The following PUDP variants were observed in gnomAD, a reference collection of about 807,000 sequenced individuals.
PUDP encodes the protein pseudouridine-5'-phosphatase.
A neutral mutation model predicts 9.4 loss-of-function variants in PUDP; 8 were observed. That is an observed-to-expected ratio of 0.85 (90% CI 0.50 to 1.53). The LOEUF is 1.53. Among genes scored for constraint, PUDP ranks in the 40% most tolerant of loss-of-function variants. The pLI is 0.00. For missense variants in PUDP, 188 were observed against 189.7 expected, an observed-to-expected ratio of 0.99 and a Z score of 0.05; for synonymous variants, 99 against 80.7, an observed-to-expected ratio of 1.23 and a Z score of -1.22.
At chrX:7,081,346 G>T (rs1323504600) in intron 2 of PUDP, among the ~76,000 whole-genome samples, 1 of 111,318 alleles carries the variant, frequency 9.0e-6, no homozygotes, top group African/African-American at 3.3e-5. Context: ...TAGAGACAGG[G>T]TCTCCCTATG....
chrX:7,105,423 GC>G (rs1471909866), intron 2 of PUDP, among the ~76,000 whole-genome samples, 196 bp downstream of exon 2: 9 of 111,450 alleles, frequency 8.1e-5, no homozygotes, highest in African/African-American at 2.3e-4. Flanking sequence ...ATTTTAAGAA[GC>G]TTTTAAAGAG....
intron 3 of PUDP, among the ~76,000 whole-genome samples, chrX:6,899,733 G>A (rs1927647049): frequency 9.1e-6 from 1 of 110,430 alleles, no homozygotes; most frequent in Non-Finnish European, 1.9e-5. Flanking sequence ...AACCATGTAC[G>A]ATAATTTTGG....
intron 3 of PUDP, among the ~76,000 whole-genome samples, chrX:6,732,471 A>T (rs757131620): frequency 9.0e-6 from 1 of 111,148 alleles, no homozygotes; most frequent in East Asian, 2.8e-4. Context: ...CTTTTGAACA[A>T]AGTAAAAACT....
At chrX:6,923,214 C>T (rs1928051227) in intron 3 of PUDP, among the ~76,000 whole-genome samples, 1 of 111,712 alleles carries the variant, frequency 9.0e-6, no homozygotes, top group Admixed American at 9.5e-5. Flanking sequence ...CCTCCTATCC[C>T]TCTTAACAGG....
Position 6,994,960 on chromosome X carries a change from T to A in PUDP, c.205-16617A>T, listed in dbSNP as rs992708774. 3.6e-5 allele frequency among the ~76,000 whole-genome samples: 4 copies of A among 110,308 alleles called. No homozygotes were observed. The East Asian group carries it at 8.5e-4, about 23-fold the overall frequency. On this transcript the variant is annotated intron_variant and NMD_transcript_variant, in intron 1 of 3. Coordinates refer to the PUDP transcript ENST00000655425. ...GTACTCTCATAAAAAGAAGGGAAAG[T>A]ACTATAGGAAAAAAGTCAAAATATG...
intron 1 of PUDP, among the ~76,000 whole-genome samples, chrX:6,982,168 C>CCA (rs1049437761): frequency 2.3e-4 from 24 of 104,078 alleles, no homozygotes; most frequent in Middle Eastern, 5.1e-3. Context: ...ACTTACGGAG[C>CCA]CACACACACA....
chrX:6,873,287 T>C (rs1927203528), intron 3 of PUDP, among the ~76,000 whole-genome samples: 1 of 112,115 alleles, frequency 8.9e-6, no homozygotes, highest in South Asian at 3.8e-4. Flanking sequence ...AAGGAATTGC[T>C]ATTTACTCTT....
At chrX:6,904,430 A>C (rs947833641) in intron 3 of PUDP, among the ~76,000 whole-genome samples, 3 of 111,110 alleles carry the variant, frequency 2.7e-5, no homozygotes, top group Non-Finnish European at 5.7e-5. Context: ...AGCCCTCCAC[A>C]CACAAACAAG....
At chrX:7,010,658 A>G (rs1929464276) in intron 1 of PUDP, among the ~76,000 whole-genome samples, 1 of 111,734 alleles carries the variant, frequency 8.9e-6, no homozygotes, top group South Asian at 3.8e-4. Flanking sequence ...TGCCTGGGGA[A>G]CTATAAAAGA....
chrX:6,839,273 T>C (rs1044745282), intron 3 of PUDP, among the ~76,000 whole-genome samples: 1 of 111,950 alleles, frequency 8.9e-6, no homozygotes, highest in African/African-American at 3.2e-5. Context: ...ATCTCCCGTT[T>C]CTGTTTCTTC....
intron 1 of PUDP, among the ~76,000 whole-genome samples, chrX:7,114,051 T>C (rs1316350981): frequency 1.1e-5 from 1 of 89,413 alleles, no homozygotes; most frequent in Non-Finnish European, 2.3e-5. Flanking sequence ...CTCAGGTCTC[T>C]CTCTCTCTCT....
chrX:7,070,638 G>A (rs756091831), intron 3 of PUDP, among the ~76,000 whole-genome samples: 1 of 111,002 alleles, frequency 9.0e-6, no homozygotes, highest in African/African-American at 3.3e-5. Context: ...GAGTGCAATG[G>A]CACAATCTCG....
At chrX:6,871,318 G>T (rs1050199706) in intron 3 of PUDP, among the ~76,000 whole-genome samples, 2 of 111,318 alleles carry the variant, frequency 1.8e-5, no homozygotes, top group East Asian at 5.6e-4. Context: ...TAAATCACTG[G>T]CCCATGAGTC....
chrX:7,047,262 C>T (rs1478231326), downstream of PUDP, among the ~76,000 whole-genome samples: 1 of 112,043 alleles, frequency 8.9e-6, no homozygotes, highest in Non-Finnish European at 1.9e-5. Context: ...CATGTCATGA[C>T]TAAAGTTTAA....
At chrX:6,820,065 G>A (rs1259325792) in intron 3 of PUDP, among the ~76,000 whole-genome samples, 1 of 108,399 alleles carries the variant, frequency 9.2e-6, no homozygotes, top group Non-Finnish European at 1.9e-5. Flanking sequence ...CACATGGCTG[G>A]GGAGGCCTCA....
At chrX:7,104,336 A>G (rs1931819608) in intron 2 of PUDP, among the ~76,000 whole-genome samples, 1 of 111,789 alleles carries the variant, frequency 8.9e-6, no homozygotes, top group Non-Finnish European at 1.9e-5. Flanking sequence ...TCCTTATTTG[A>G]GGTATGGAGA....
At chrX:6,977,096 T>C (rs766244930) in intron 3 of PUDP, among the ~76,000 whole-genome samples, 1 of 112,307 alleles carries the variant, frequency 8.9e-6, no homozygotes, top group Non-Finnish European at 1.9e-5. Flanking sequence ...ATTTGCAATA[T>C]TTGAGCTTGC....
intron 2 of PUDP, among the ~76,000 whole-genome samples, chrX:7,095,183 G>C (rs190604719): frequency 1.2e-4 from 13 of 112,496 alleles, no homozygotes; most frequent in African/African-American, 3.5e-4. Context: ...GAGCGCCGTG[G>C]CTAAGAGCTA....
chrX:6,720,455 T>C lies in PUDP; in HGVS notation n.128+962A>G, dbSNP rs1288887219. On this transcript the variant is annotated intron_variant and non_coding_transcript_variant, in intron 1 of 2. Transcript: ENST00000438499. ...ACTTAGATTTGGAATCTAAAGAAGT[T>C]GAATTCCCAGAAGCAGAGAGTAGAA... Among the ~76,000 whole-genome samples the C allele has an allele frequency of 3.8e-5, 4 of 105,290 alleles. No homozygotes were observed. In the South Asian group the frequency reaches 1.7e-3, roughly 45 times the overall value. The allele number at this position is 105,290 out of a possible 115,157, so 91.4% of individuals were successfully genotyped here.
Sources: gnomAD v4.1 joint callset for allele counts (sites outside exome capture counted in the v4.1 genomes callset) on GRCh38, gnomAD v4.1.1 for gene constraint, MANE v1.5 for transcripts, NCBI Gene and HGNC (gene_info 2026-07-23, HGNC 2026-07-21) for gene names.